Variants in ADGRE1 observed in about 807,000 individuals in gnomAD.
ADGRE1 encodes the protein EGF-like module receptor 1.
ADGRE1 carries 82 observed loss-of-function variants against 102.7 expected under a neutral mutation model. The ratio of observed to expected loss-of-function variants is 0.80; its 90% CI spans 0.67 to 0.96. The LOEUF (loss-of-function observed/expected upper bound fraction) is 0.96. Ranked by LOEUF, ADGRE1 falls within the 40% of genes least tolerant of loss-of-function variation. ADGRE1 has a pLI of 0.00. For synonymous variants in ADGRE1, 398 were observed against 399.6 expected, an observed-to-expected ratio of 1.00 and a Z score of 0.05; for missense variants, 1,032 against 1,085.3, an observed-to-expected ratio of 0.95 and a Z score of 0.69.
intron 18 of ADGRE1, 105 bp downstream of exon 18, chr19:6,935,183 A>T (rs1975351176): frequency 5.6e-6 from 4 of 716,826 alleles, no homozygotes; most frequent in African/African-American, 1.8e-5. Context: ...CCTGAGACAG[A>T]GGTGATGAGG....
At chr19:6,896,711 A>AT in intron 3 of ADGRE1, 170 bp downstream of exon 3, 1 of 715,514 alleles carries the variant, frequency 1.4e-6, no homozygotes, top group South Asian at 2.1e-5. Context: ...TAATATTGAT[A>AT]TGTGGGGGTG....
chr19:6,919,252 C>T (rs1481136845), intron 12 of ADGRE1, among the ~76,000 whole-genome samples: 3 of 150,880 alleles, frequency 2.0e-5, no homozygotes, highest in African/African-American at 4.9e-5. Context: ...AGGATGGTCT[C>T]GATCTCCTGA....
chr19:6,940,426 T>C lies in ADGRE1; in HGVS notation c.*397T>C. On this transcript the variant is annotated 3_prime_UTR_variant, in exon 21 of 21. Coordinates refer to ENST00000312053, the MANE Select transcript of ADGRE1 (RefSeq NM_001974.5). ...AGAGAACCTCTCAATAAATGATTTG[T>C]CGCCTGTCTGACTGATTTACCCTAG... is the stretch of plus-strand genomic sequence containing the variant. 1 of 220,888 alleles carries C rather than the reference T, an allele frequency of 4.5e-6. No individual in the cohort carries two copies. Among genetic ancestry groups the C allele is most frequent in the Non-Finnish European group, 9.0e-6 (1 of 111,094 alleles). The allele number at this position is 220,888 out of a possible 1,614,324, so 13.7% of individuals were successfully genotyped here.
chr19:6,914,003 T>C (rs961491835), intron 11 of ADGRE1, among the ~76,000 whole-genome samples, 173 bp downstream of exon 11: 2 of 152,264 alleles, frequency 1.3e-5, no homozygotes. Flanking sequence ...ATTCACTGAG[T>C]GCTTGGCAAA....
intron 14 of ADGRE1, among the ~76,000 whole-genome samples, chr19:6,922,633 C>A (rs1245920085): frequency 6.6e-6 from 1 of 151,304 alleles, no homozygotes; most frequent in South Asian, 2.1e-4. Context: ...CACACACACA[C>A]ACACACACAC....
chr19:6,902,433 G>GTTT (rs1973800256), intron 6 of ADGRE1, among the ~76,000 whole-genome samples: 1 of 152,130 alleles, frequency 6.6e-6, no homozygotes, highest in African/African-American at 2.4e-5. Context: ...TTTTTTTGGG[G>GTTT]TTTTTTTGTT....
intron 12 of ADGRE1, among the ~76,000 whole-genome samples, chr19:6,918,003 A>T (rs11671668): frequency 0.19 from 28,758 of 152,058 alleles, 2,819 homozygotes; most frequent in Middle Eastern, 0.31. Context: ...TCTAAGGCTA[A>T]TTAGAAGGGA....
intron 5 of ADGRE1, 136 bp from the exon 6 acceptor site, chr19:6,901,738 GA>G: frequency 1.1e-6 from 1 of 915,110 alleles, no homozygotes; most frequent in Admixed American, 2.1e-5. Context: ...TGCCTGGGAA[GA>G]AGGGGGGAAC....
At chr19:6,899,775 G>T (rs192626241) in intron 5 of ADGRE1, among the ~76,000 whole-genome samples, 7 of 151,936 alleles carry the variant, frequency 4.6e-5, no homozygotes, top group African/African-American at 1.7e-4. Flanking sequence ...TCCCCTAAAA[G>T]GTATTTGAAT....
chr19:6,897,954 C>G (rs1422200842), intron 5 of ADGRE1: 1 of 179,362 alleles, frequency 5.6e-6, no homozygotes, highest in Non-Finnish European at 1.1e-5. Flanking sequence ...TCCTTCCTTC[C>G]TTCCTTCCTA....
chr19:6,898,715 G>A (rs440816), intron 5 of ADGRE1: 37 of 797,202 alleles, frequency 4.6e-5, no homozygotes, highest in Admixed American at 8.1e-5. Context: ...TTATTTACCT[G>A]CTTAATTAAT....
At position 6,940,048 on chromosome 19, in the gene ADGRE1, A is replaced by G; in HGVS notation, c.*19A>G. The G allele has an allele frequency of 6.2e-7, 1 of 1,613,506 alleles. No homozygotes were observed. The highest frequency in any genetic ancestry group is 8.5e-7 in the Non-Finnish European group (1 of 1,179,744). The stretch of plus-strand genomic sequence containing the variant: ...GGGTTAAAGTCCTTTCTTGCTTTCA[A>G]ATATGCTATGGAGCCACAGTTGAGG... On this transcript the variant is annotated 3_prime_UTR_variant, in exon 21 of 21. Transcript: ENST00000312053.
Position 6,908,757 on chromosome 19 carries a change from C to G in ADGRE1, c.1107C>G (p.Thr369=). The G allele has an allele frequency of 6.2e-7, 1 of 1,609,668 alleles. No homozygotes were observed. Among genetic ancestry groups the G allele is most frequent in the Non-Finnish European group, 8.5e-7 (1 of 1,178,890 alleles). ...ACAAAGTGTGTGAAAATAAAACGAC[C>G]GTAGTTTCTCTGAAGGTAACGATTG... ...VLDKVCENKT[T]VVSLKNTTES... The change falls in exon 10 of 21, where the codon ACC becomes ACG. Residue 369 remains threonine (T), a synonymous_variant. Transcript: ENST00000312053.
intron 10 of ADGRE1, among the ~76,000 whole-genome samples, chr19:6,911,195 G>A (rs1165710247): frequency 6.6e-6 from 1 of 151,982 alleles, no homozygotes; most frequent in Non-Finnish European, 1.5e-5. Context: ...GTTTCTCTTG[G>A]ACAAATATCT....
In ADGRE1 at chr19:6,924,689, C is replaced by G; in HGVS notation, c.1803C>G (p.Ser601=). 2 of 1,613,888 alleles carry G rather than the reference C, an allele frequency of 1.2e-6. No individual in the cohort carries two copies. The highest frequency in any genetic ancestry group is 1.7e-6 in the Non-Finnish European group (2 of 1,179,838). Residue 601 remains serine (S), a synonymous_variant, in exon 15 of 21, where the codon TCC becomes TCG. Coordinates refer to ENST00000312053, the MANE Select transcript of ADGRE1 (RefSeq NM_001974.5). ...MASGELTMDF[S]LYIISHVGII... ...TTCCTTCCTGACAGATGGACTTTTC[C>G]TTGTACATCATTAGCCATGTAGGCA...
Position 6,926,522 on chromosome 19 carries a change from G to A in ADGRE1, c.2143G>A (p.Ala715Thr). ...CAACATCAAGATGCTGCACATCTGT[G>A]CCTTTGGTTATGGGCTGCCGATGCT... ...SRNIKMLHIC[A>T]FGYGLPMLVV... Residue 715 changes from alanine to threonine, a missense_variant, in exon 16 of 21, where the codon GCC (alanine) becomes ACC (threonine). Ala to Thr is a moderately conservative substitution (Grantham distance 58, BLOSUM62 0). Transcript: ENST00000312053. 2 of 1,614,248 alleles carry A rather than the reference G, an allele frequency of 1.2e-6. No homozygotes were observed. Among genetic ancestry groups the A allele is most frequent in the East Asian group, 2.2e-5 (1 of 44,894 alleles).
intron 13 of ADGRE1, among the ~76,000 whole-genome samples, chr19:6,920,418 A>G (rs1207447229): frequency 6.8e-6 from 1 of 146,470 alleles, no homozygotes; most frequent in East Asian, 2.0e-4. Flanking sequence ...ACGGGGTTTC[A>G]CCATGTTAGC....
chr19:6,919,440 C>CTGTGTGTG, intron 12 of ADGRE1, 108 bp from the exon 13 acceptor site: 5 of 524,942 alleles, frequency 9.5e-6, no homozygotes, highest in Non-Finnish European at 1.5e-5. Flanking sequence ...CCCTCCCTCC[C>CTGTGTGTG]TCTGTGTGTG....
At position 6,920,244 on chromosome 19, in the gene ADGRE1, T is replaced by TTTA. The variant is rs777225544; in HGVS notation, c.1620+497_1620+498insTTA. The stretch of plus-strand genomic sequence containing the variant: ...TGGTGGTTGCTTCTTTTTTTTTTTT[T>TTTA]AGTCTCACTCTGTCACCCAGGCTGG... On this transcript the variant is annotated intron_variant, in intron 13 of 20. Transcript: ENST00000312053. Among the ~76,000 whole-genome samples, 11 of 147,952 alleles carry TTTA rather than the reference T, an allele frequency of 7.4e-5. 1 individual carries two copies. The highest frequency in any genetic ancestry group is 6.7e-5 in the Admixed American group (1 of 14,930).
Sources: allele counts gnomAD v4.1 joint callset (sites outside exome capture counted in the v4.1 genomes callset), GRCh38; gene constraint gnomAD v4.1.1; transcripts MANE v1.5; gene names NCBI Gene and HGNC (gene_info 2026-07-23, HGNC 2026-07-21).